TJP1: variants seen among roughly 807,000 people sequenced by gnomAD.
TJP1 encodes tight junction protein 1.
TJP1 carries 43 observed loss-of-function variants against 194.2 expected under a neutral mutation model. That is an observed-to-expected ratio of 0.22 (90% CI 0.17 to 0.29). TJP1 has a LOEUF of 0.29. Ranked by LOEUF, TJP1 falls within the 10% of genes least tolerant of loss-of-function variation. The probability of loss-of-function intolerance (pLI) is 1.00; values close to 1 mark genes in which losing one functional copy is unlikely to be tolerated. For missense variants in TJP1, 1,971 were observed against 2,185.7 expected (o/e 0.90, Z 1.96); for synonymous variants, 801 against 779.0 (o/e 1.03, Z -0.47).
intron 16 of TJP1, 100 bp downstream of exon 16, chr15:29,727,837 T>C: frequency 3.4e-6 from 3 of 887,872 alleles, no homozygotes; most frequent in South Asian, 1.5e-5. Flanking sequence ...ATGTCAGTAA[T>C]AGTCTCAGAA....
At chr15:29,967,584 C>A (rs548658097) in intron 1 of TJP1, among the ~76,000 whole-genome samples, 23 of 152,314 alleles carry the variant, frequency 1.5e-4, no homozygotes, top group South Asian at 1.0e-3. Context: ...CAACTGAATT[C>A]TGAACTTTGC....
At chr15:29,758,017 A>G (rs2045756770) in intron 8 of TJP1, among the ~76,000 whole-genome samples, 1 of 152,230 alleles carries the variant, frequency 6.6e-6, no homozygotes, top group Non-Finnish European at 1.5e-5. Flanking sequence ...ACTTTCACCT[A>G]ATGAACAGTA....
chr15:29,722,448 C>G (rs1452803012), intron 18 of TJP1, among the ~76,000 whole-genome samples: 1 of 152,190 alleles, frequency 6.6e-6, no homozygotes, highest in Admixed American at 6.5e-5. Flanking sequence ...CCACATGATG[C>G]TAAGTCTGCG....
intron 1 of TJP1, among the ~76,000 whole-genome samples, chr15:29,964,963 G>A (rs1160511119): frequency 6.6e-6 from 1 of 152,130 alleles, no homozygotes; most frequent in Non-Finnish European, 1.5e-5. Flanking sequence ...TACGAGATTT[G>A]TAGAGCCAAT....
intron 1 of TJP1, among the ~76,000 whole-genome samples, chr15:29,965,034 G>A (rs1343585166): frequency 6.6e-6 from 1 of 152,166 alleles, no homozygotes; most frequent in East Asian, 1.9e-4. Context: ...CAAGCGAGAT[G>A]GAAGTGTGGG....
At chr15:29,848,193 G>A (rs980750435) in intron 2 of TJP1, among the ~76,000 whole-genome samples, 1 of 151,748 alleles carries the variant, frequency 6.6e-6, no homozygotes. Flanking sequence ...TTCTGCTGAG[G>A]GTTGGGTTAC....
chr15:29,846,913 G>A (rs1010914300), intron 2 of TJP1, among the ~76,000 whole-genome samples: 8 of 151,432 alleles, frequency 5.3e-5, no homozygotes, highest in Admixed American at 2.6e-4. Context: ...GCAACAAAGC[G>A]GGACTCCGTC....
At chr15:29,732,078 T>C (rs1271787690) in intron 15 of TJP1, 3 of 200,600 alleles carry the variant, frequency 1.5e-5, no homozygotes, top group African/African-American at 7.0e-5. Flanking sequence ...AAGTTTAGAC[T>C]GAAGAAACTG....
chr15:29,763,540 C>A (rs549604392), intron 5 of TJP1, among the ~76,000 whole-genome samples: 2 of 151,796 alleles, frequency 1.3e-5, no homozygotes, highest in Non-Finnish European at 2.9e-5. Context: ...GAGGCCAAGG[C>A]GGGCGGACCA....
intron 1 of TJP1, chr15:29,821,392 T>TA (rs1217972356): frequency 2.0e-5 from 3 of 152,228 alleles, no homozygotes; most frequent in Non-Finnish European, 4.4e-5. Context: ...TATTAAATGT[T>TA]AAAGAGGTTA....
intron 2 of TJP1, among the ~76,000 whole-genome samples, chr15:29,780,360 C>T (rs1232926467): frequency 6.6e-6 from 1 of 151,994 alleles, no homozygotes; most frequent in Non-Finnish European, 1.5e-5. Context: ...AGTGTGCAAC[C>T]TAGATCCCTT....
intron 15 of TJP1, 200 bp from the exon 16 acceptor site, chr15:29,728,219 A>C (rs2043365647): frequency 1.5e-5 from 7 of 451,968 alleles, no homozygotes. Context: ...AACTACTTTA[A>C]TATTCTGGAA....
chr15:29,792,456 T>C (rs1004502829), intron 2 of TJP1, among the ~76,000 whole-genome samples: 9 of 152,164 alleles, frequency 5.9e-5, no homozygotes, highest in Admixed American at 2.6e-4. Context: ...CTGGTCTGTG[T>C]CTGTTTTTAT....
Position 29,721,382 on chromosome 15 carries a change from C to T in TJP1, c.2413-674G>A, listed in dbSNP as rs116863808. 4.7e-3 allele frequency among the ~76,000 whole-genome samples: 722 copies of T among 152,240 alleles called. 28 individuals carry two copies. The East Asian group carries it at 0.095, about 20-fold the overall frequency. The stretch of plus-strand genomic sequence containing the variant: ...TTTTAAGTGTGCAGCACCTCCCCAA[C>T]TCTCTTCCTCCTGCTCCAGCCATAT... On this transcript the variant is annotated intron_variant, in intron 18 of 27. Transcript: ENST00000614355.
At position 29,718,297 on chromosome 15, in the gene TJP1, T is replaced by C; in HGVS notation, c.3845A>G (p.Lys1282Arg). The change falls in exon 21 of 28, where the codon AAG becomes AGG. Residue 1282 changes from lysine (K) to arginine (R), a missense_variant. By Grantham distance (26) the Lys-to-Arg change is conservative. Around this residue, in one of 5 missense-constraint regions of TJP1, gnomAD observed 1,108 missense variants for 1,128.5 expected, o/e 0.98. Transcript: ENST00000614355. ...ACTGCCAGTGTCATTTACATCCTTC[T>C]TGGTCTCTAAGGATGCAGATCTTTT... ...ENKRSASLETKKDVNDTGSFK... is the reference protein window; with the variant it reads ...ENKRSASLETRKDVNDTGSFK... The C allele has an allele frequency of 6.2e-7, 1 of 1,613,942 alleles. No individual in the cohort carries two copies. Among genetic ancestry groups the C allele is most frequent in the Non-Finnish European group, 8.5e-7 (1 of 1,179,978 alleles).
intron 23 of TJP1, among the ~76,000 whole-genome samples, 184 bp downstream of exon 23, chr15:29,716,427 C>T (rs1218491608): frequency 6.6e-6 from 1 of 152,178 alleles, no homozygotes; most frequent in African/African-American, 2.4e-5. Flanking sequence ...AAACTATGTA[C>T]ATCTAATAGC....
chr15:29,807,121 T>C (rs2049162938), intron 1 of TJP1, among the ~76,000 whole-genome samples: 1 of 152,196 alleles, frequency 6.6e-6, no homozygotes, highest in African/African-American at 2.4e-5. Flanking sequence ...TATCACTGTG[T>C]CCATCCCTTG....
intron 2 of TJP1, among the ~76,000 whole-genome samples, chr15:29,851,725 G>A (rs1442558536): frequency 6.6e-6 from 1 of 152,236 alleles, no homozygotes; most frequent in Non-Finnish European, 1.5e-5. Context: ...TTAAGACTAT[G>A]TAGTATTGGC....
chr15:29,791,863 A>G (rs1230304720), intron 2 of TJP1, among the ~76,000 whole-genome samples: 1 of 152,084 alleles, frequency 6.6e-6, no homozygotes, highest in Non-Finnish European at 1.5e-5. Flanking sequence ...TATTTATCTG[A>G]TTAGTGATGT....
Sources: gnomAD v4.1 joint callset for allele counts (sites outside exome capture counted in the v4.1 genomes callset) on GRCh38, gnomAD v4.1.1 for gene constraint, gnomAD v4.1.1 regional missense constraint, MANE v1.5 for transcripts, NCBI Gene and HGNC (gene_info 2026-07-23, HGNC 2026-07-21) for gene names.